B4GALNT3: variants seen among roughly 807,000 people sequenced by gnomAD.
The protein encoded by B4GALNT3 is beta-1,4-N-acetylgalactosaminyltransferase 3.
Under a neutral mutation model 120.2 loss-of-function variants are expected in B4GALNT3, and 86 were observed. The observed-to-expected ratio is 0.72, with a 90% CI of 0.60 to 0.86. The LOEUF is 0.86. Ranked by LOEUF, B4GALNT3 falls within the 40% of genes least tolerant of loss-of-function variation. B4GALNT3 has a pLI of 0.00. For missense variants in B4GALNT3, 1,167 were observed against 1,298.9 expected (o/e 0.90, Z 1.56); for synonymous variants, 518 against 510.4 (o/e 1.01, Z -0.20).
At chr12:560,348 C>T (rs555476590) in intron 19 of B4GALNT3, among the ~76,000 whole-genome samples, 5 of 152,304 alleles carry the variant, frequency 3.3e-5, no homozygotes, top group African/African-American at 1.2e-4. Context: ...GGTCCCTATA[C>T]ATGGCCGGCC....
chr12:560,920 T>C (rs1947222851), intron 19 of B4GALNT3, among the ~76,000 whole-genome samples: 1 of 151,848 alleles, frequency 6.6e-6, no homozygotes. Context: ...CCTGCCTTCC[T>C]CCGTCTATGA....
Position 501,466 on chromosome 12 carries a change from A to G in B4GALNT3, c.170-33700A>G, listed in dbSNP as rs1048827318. Among the ~76,000 whole-genome samples the G allele has an allele frequency of 4.3e-4, 66 of 152,298 alleles. 2 individuals are homozygous for G. The highest frequency in any genetic ancestry group is 2.5e-3 in the Admixed American group (38 of 15,294). ...TGTGGTGGCGCACACCTGTTGTCCC[A>G]GCTACTCGGGAGGCTGAGGAGGGAA... On this transcript the variant is annotated intron_variant, in intron 1 of 19. Transcript: ENST00000266383.
intron 1 of B4GALNT3, among the ~76,000 whole-genome samples, chr12:522,756 G>A (rs1032460420): frequency 2.7e-5 from 4 of 150,698 alleles, no homozygotes; most frequent in Non-Finnish European, 5.9e-5. Flanking sequence ...GCAACAGAGA[G>A]ACCCCTGTCT....
intron 1 of B4GALNT3, among the ~76,000 whole-genome samples, chr12:483,318 C>T (rs1488771672): frequency 2.0e-5 from 3 of 152,144 alleles, no homozygotes; most frequent in Admixed American, 2.0e-4. Context: ...AGAAAAGTGG[C>T]CTGTGGAGTT....
chr12:490,511 C>G (rs372467256), intron 1 of B4GALNT3, among the ~76,000 whole-genome samples: 1 of 152,182 alleles, frequency 6.6e-6, no homozygotes, highest in Admixed American at 6.5e-5. Flanking sequence ...CAGAAGTGGG[C>G]AGATCACTTT....
In B4GALNT3 at chr12:460,490, T is replaced by A; in HGVS notation, c.114T>A (p.Thr38=). 1 of 1,584,994 alleles carries A rather than the reference T, an allele frequency of 6.3e-7. No homozygotes were observed. The highest frequency in any genetic ancestry group is 8.6e-7 in the Non-Finnish European group (1 of 1,166,482). The change falls in exon 1 of 20, where the codon ACT becomes ACA. Residue 38 remains threonine (T), a synonymous_variant. Coordinates refer to ENST00000266383, the MANE Select transcript of B4GALNT3 (RefSeq NM_173593.4). This position sits in a 1 kb window ranked among gnomAD's most constrained non-coding sequence, Gnocchi z 8.0. ...CCGTGGTGTCTGTGGGGCTCTGGACTCTGTATCTGGAACTGGTGGCGTCGG... is the reference window on the plus strand; with the variant it reads ...CCGTGGTGTCTGTGGGGCTCTGGACACTGTATCTGGAACTGGTGGCGTCGG... ...ALAVVSVGLW[T]LYLELVASAQ...
chr12:551,136 C>A (rs1947078029), intron 11 of B4GALNT3, 105 bp downstream of exon 11: 1 of 995,960 alleles, frequency 1.0e-6, no homozygotes, highest in East Asian at 2.5e-5. Context: ...TCCCAACATC[C>A]CATCCCAGCA....
rs1947179701 is a variant in B4GALNT3 at position 558,043 on chromosome 12, C to T, written c.2562C>T (p.Asn854=). The part of the protein sequence containing the change: ...RSYQYVKLSG[N]FERSAGLQAG... ...ACCAGTACGTGAAGCTAAGTGGAAACTTTGAACGCTCAGCTGGACTTCAGG... is the reference window on the plus strand; with the variant it reads ...ACCAGTACGTGAAGCTAAGTGGAAATTTTGAACGCTCAGCTGGACTTCAGG... The change falls in exon 17 of 20, where the codon AAC becomes AAT. Residue 854 remains asparagine (N), a synonymous_variant. Coordinates refer to ENST00000266383, the MANE Select transcript of B4GALNT3 (RefSeq NM_173593.4). 1 of 1,614,016 alleles carries T rather than the reference C, an allele frequency of 6.2e-7. No homozygotes were observed. The highest frequency in any genetic ancestry group is 8.5e-7 in the Non-Finnish European group (1 of 1,180,040).
intron 19 of B4GALNT3, among the ~76,000 whole-genome samples, chr12:560,922 C>T (rs775533053): frequency 1.3e-5 from 2 of 151,836 alleles, no homozygotes; most frequent in Non-Finnish European, 2.9e-5. Flanking sequence ...TGCCTTCCTC[C>T]GTCTATGACG....
At chr12:480,949 C>T (rs1010274904) in intron 1 of B4GALNT3, among the ~76,000 whole-genome samples, 4 of 152,246 alleles carry the variant, frequency 2.6e-5, no homozygotes, top group Non-Finnish European at 5.9e-5. Context: ...CTATCTCTCC[C>T]TGCCTGCTCG....
intron 14 of B4GALNT3, chr12:555,370 A>G: frequency 2.2e-6 from 1 of 456,980 alleles, no homozygotes; most frequent in Non-Finnish European, 4.4e-6. Context: ...CTTTTTGCAG[A>G]ATATTCACTT....
At chr12:462,701 T>C (rs1250780635) in intron 1 of B4GALNT3, among the ~76,000 whole-genome samples, 1 of 152,102 alleles carries the variant, frequency 6.6e-6, no homozygotes, top group Non-Finnish European at 1.5e-5. Flanking sequence ...ATTCATCTAT[T>C]GTGCAGGGTG....
At chr12:560,237 G>A (rs1318292697) in intron 19 of B4GALNT3, among the ~76,000 whole-genome samples, 2 of 152,190 alleles carry the variant, frequency 1.3e-5, no homozygotes, top group East Asian at 1.9e-4. Flanking sequence ...TCCACAGGAG[G>A]TGGACAGGGC....
Position 561,496 on chromosome 12 carries a change from C to T in B4GALNT3, c.*45C>T, listed in dbSNP as rs1351472753. On this transcript the variant is annotated 3_prime_UTR_variant, in exon 20 of 20. Transcript: ENST00000266383. ...CCCAGCACTCCCCGCTCTGGACTAG[C>T]AGTGGCTCCCCAGGGCCCTGCTACT... 6.9e-7 allele frequency: 1 copy of T among 1,453,478 alleles called. No individual in the cohort carries two copies. The highest frequency in any genetic ancestry group is 1.8e-5 in the Admixed American group (1 of 55,592). 90.0% of individuals were successfully genotyped at this position (1,453,478 alleles called of 1,614,324 possible). A position where few individuals can be genotyped will look rare whatever the true frequency, so the allele number is the denominator to read the frequency against.
At chr12:546,105 G>A (rs951897711) in intron 6 of B4GALNT3, among the ~76,000 whole-genome samples, 1 of 145,530 alleles carries the variant, frequency 6.9e-6, no homozygotes, top group Admixed American at 6.9e-5. Context: ...TGGGAAAGTG[G>A]GGAGTGAGAA....
chr12:546,465 G>C (rs955966082), intron 6 of B4GALNT3, among the ~76,000 whole-genome samples, 181 bp from the exon 7 acceptor site: 15 of 152,076 alleles, frequency 9.9e-5, no homozygotes, highest in African/African-American at 1.7e-4. Flanking sequence ...CCTCCTGCGT[G>C]GGCAACGCTC....
chr12:546,908 C>T (rs1947014694), intron 7 of B4GALNT3, 195 bp downstream of exon 7: 2 of 601,692 alleles, frequency 3.3e-6, no homozygotes, highest in Non-Finnish European at 5.9e-6. Flanking sequence ...GAAACTGAGG[C>T]CCAGAAGGCC....
chr12:466,154 G>A (rs565618050), intron 1 of B4GALNT3, among the ~76,000 whole-genome samples: 3 of 152,132 alleles, frequency 2.0e-5, no homozygotes, highest in East Asian at 1.9e-4. Flanking sequence ...TTGTTCAGAC[G>A]CTGTGCATGG....
intron 1 of B4GALNT3, among the ~76,000 whole-genome samples, chr12:492,123 C>T (rs2120509373): frequency 6.6e-6 from 1 of 151,076 alleles, no homozygotes; most frequent in East Asian, 1.9e-4. Context: ...TACTGGAAGT[C>T]CTATCTAATG....
Sources: gnomAD v4.1 joint callset for allele counts (sites outside exome capture counted in the v4.1 genomes callset) on GRCh38, gnomAD v4.1.1 for gene constraint, Gnocchi (gnomAD v3.1) non-coding constraint, MANE v1.5 for transcripts, NCBI Gene and HGNC (gene_info 2026-07-23, HGNC 2026-07-21) for gene names.